Variants in PDZK1 observed in about 807,000 individuals in gnomAD.
The protein encoded by PDZK1 is PDZ domain containing 1.
PDZK1 carries 23 observed loss-of-function variants against 38.1 expected under a neutral mutation model. The observed-to-expected ratio is 0.60, with a 90% confidence interval of 0.43 to 0.85. The LOEUF (loss-of-function observed/expected upper bound fraction) is 0.85. Among genes scored for constraint, PDZK1 ranks in the 40% least tolerant of loss-of-function variants. The pLI, the probability that PDZK1 is intolerant of heterozygous loss-of-function variation, is 0.00. For missense variants in PDZK1, 297 were observed against 504.3 expected, an observed-to-expected ratio of 0.59 and a Z score of 3.94; for synonymous variants, 98 against 186.2, an observed-to-expected ratio of 0.53 and a Z score of 3.86.
At chr1:145,692,077 G>A (rs902473912) in intron 1 of PDZK1, among the ~76,000 whole-genome samples, 6 of 151,560 alleles carry the variant, frequency 4.0e-5, no homozygotes, top group African/African-American at 9.7e-5. Flanking sequence ...TAATGTGGCC[G>A]TGGTCAAGAA....
intron 1 of PDZK1, among the ~76,000 whole-genome samples, chr1:145,698,755 C>T (rs1052904003): frequency 2.0e-4 from 31 of 151,800 alleles, no homozygotes; most frequent in Admixed American, 2.0e-3. Context: ...ATGGTGAAAC[C>T]TCATCTCTCC....
chr1:145,693,254 C>T (rs1475869871), intron 1 of PDZK1, among the ~76,000 whole-genome samples: 8 of 152,102 alleles, frequency 5.3e-5, no homozygotes, highest in Admixed American at 5.2e-4. Flanking sequence ...CTCTGTAGAC[C>T]GTGTCAGGTG....
chr1:145,690,553 A>T (rs1365730231), intron 1 of PDZK1, among the ~76,000 whole-genome samples: 1 of 152,192 alleles, frequency 6.6e-6, no homozygotes, highest in Admixed American at 6.5e-5. Flanking sequence ...AATTTAAAAT[A>T]TGTCCTTATA....
intron 1 of PDZK1, among the ~76,000 whole-genome samples, chr1:145,688,988 G>T (rs1385749217): frequency 6.6e-6 from 1 of 152,112 alleles, no homozygotes; most frequent in Non-Finnish European, 1.5e-5. Flanking sequence ...CCTTAGAGCT[G>T]GTCCAATATG....
chr1:145,691,431 CTG>C (rs782669192), intron 1 of PDZK1, among the ~76,000 whole-genome samples: 3 of 152,152 alleles, frequency 2.0e-5, no homozygotes, highest in Non-Finnish European at 4.4e-5. Context: ...GCCTGGGACT[CTG>C]GAACACAGGG....
At chr1:145,672,687 C>A in intron 8 of PDZK1, 43 bp downstream of exon 8, 3 of 1,610,018 alleles carry the variant, frequency 1.9e-6, no homozygotes, top group South Asian at 1.1e-5. Flanking sequence ...TGTACCCATA[C>A]TCTAGTAAAT....
chr1:145,679,282 C>A (rs745634153), intron 5 of PDZK1, among the ~76,000 whole-genome samples: 32 of 151,812 alleles, frequency 2.1e-4, no homozygotes, highest in Non-Finnish European at 3.5e-4. Flanking sequence ...CAAAAATCAG[C>A]TCTGCCCATT....
intron 1 of PDZK1, among the ~76,000 whole-genome samples, chr1:145,698,029 C>T (rs1655739373): frequency 6.6e-6 from 1 of 151,824 alleles, no homozygotes; most frequent in Non-Finnish European, 1.5e-5. Context: ...AATACCTCTT[C>T]TCCAGGGGCA....
At chr1:145,672,319 A>G (rs1373997064) in intron 8 of PDZK1, among the ~76,000 whole-genome samples, 1 of 151,342 alleles carries the variant, frequency 6.6e-6, no homozygotes, top group Non-Finnish European at 1.5e-5. Flanking sequence ...AGTTAACATG[A>G]TCCTGATAAC....
At chr1:145,687,350 T>C (rs1438594722) in intron 2 of PDZK1, among the ~76,000 whole-genome samples, 1 of 147,504 alleles carries the variant, frequency 6.8e-6, no homozygotes, top group African/African-American at 2.5e-5. Flanking sequence ...AAACCCCATC[T>C]CTACTAAAAA....
chr1:145,707,023 A>AC (rs1308332101), intron 1 of PDZK1, among the ~76,000 whole-genome samples: 1 of 151,626 alleles, frequency 6.6e-6, no homozygotes, highest in Non-Finnish European at 1.5e-5. Context: ...TGCACATCAA[A>AC]CCCCCACACA....
intron 4 of PDZK1, among the ~76,000 whole-genome samples, chr1:145,681,492 G>T (rs1262159977): frequency 1.5e-4 from 22 of 149,188 alleles, no homozygotes; most frequent in Admixed American, 1.4e-3. Flanking sequence ...GTTTCACCTT[G>T]TTAGCCAGGA....
At chr1:145,685,960 T>C (rs1654720719) in intron 3 of PDZK1, among the ~76,000 whole-genome samples, 1 of 152,174 alleles carries the variant, frequency 6.6e-6, no homozygotes, top group African/African-American at 2.4e-5. Context: ...GGGTGGAAAT[T>C]TTTGCGGTAT....
intron 1 of PDZK1, among the ~76,000 whole-genome samples, chr1:145,689,301 A>T (rs1655051828): frequency 6.6e-6 from 1 of 151,980 alleles, no homozygotes; most frequent in Admixed American, 6.6e-5. Context: ...CTGGTCTCAA[A>T]CTCCTGGGCT....
At chr1:145,686,778 G>C in intron 2 of PDZK1, 52 bp from the exon 3 acceptor site, 1 of 910,256 alleles carries the variant, frequency 1.1e-6, no homozygotes, top group Non-Finnish European at 1.7e-6. Context: ...CCAACTGCCA[G>C]AGGGAAATGC....
chr1:145,686,316 G>A (rs587658892), intron 3 of PDZK1, among the ~76,000 whole-genome samples, 161 bp downstream of exon 3: 1 of 152,302 alleles, frequency 6.6e-6, no homozygotes, highest in Non-Finnish European at 1.5e-5. Flanking sequence ...AAAGGGCAGG[G>A]AGGGAGTGAG....
chr1:145,680,161 A>G (rs1654092599), intron 5 of PDZK1, among the ~76,000 whole-genome samples: 1 of 152,124 alleles, frequency 6.6e-6, no homozygotes, highest in African/African-American at 2.4e-5. Flanking sequence ...TCCCTTCATT[A>G]TGGACATATC....
rs1373565369 is a variant in PDZK1 at position 145,677,317 on chromosome 1, A to G, written c.990+1132T>C. On this transcript the variant is annotated intron_variant, in intron 6 of 8. Transcript: ENST00000417171. ...AGTTTTCATTCTTTCTATCCTAACTAAATATTTTGAGTATTAATTACACCA... is the reference window on the plus strand; with the variant it reads ...AGTTTTCATTCTTTCTATCCTAACTGAATATTTTGAGTATTAATTACACCA... Among the ~76,000 whole-genome samples the G allele has an allele frequency of 2.6e-5, 4 of 151,674 alleles. No homozygotes were observed. The East Asian group carries it at 5.8e-4, about 22-fold the overall frequency.
At chr1:145,694,566 A>G (rs1655503114) in intron 1 of PDZK1, among the ~76,000 whole-genome samples, 1 of 152,184 alleles carries the variant, frequency 6.6e-6, no homozygotes, top group African/African-American at 2.4e-5. Context: ...TATTCTCAAG[A>G]GCCTTTATAG....
Sources: allele counts gnomAD v4.1 joint callset (sites outside exome capture counted in the v4.1 genomes callset), GRCh38; gene constraint gnomAD v4.1.1; transcripts MANE v1.5; gene names NCBI Gene and HGNC (gene_info 2026-07-23, HGNC 2026-07-21).